The following LUZP2 variants were observed in gnomAD, a reference collection of about 807,000 sequenced individuals.
The protein encoded by LUZP2 is leucine zipper protein 2.
In LUZP2, 52 loss-of-function variants were observed where a neutral mutation model predicts 51.6. The observed-to-expected ratio is 1.01, with a 90% CI of 0.81 to 1.27. The LOEUF (loss-of-function observed/expected upper bound fraction) is 1.27, where lower values mean the gene tolerates loss of function less well. Among genes scored for constraint, LUZP2 ranks in the 50% most tolerant of loss-of-function variants. The pLI, the probability that LUZP2 is intolerant of heterozygous loss-of-function variation, is 0.00. For missense variants in LUZP2, 436 were observed against 395.4 expected (o/e 1.10, Z -0.87); for synonymous variants, 154 against 137.3 (o/e 1.12, Z -0.85).
At chr11:24,888,631 G>A (rs1370428512) in intron 5 of LUZP2, among the ~76,000 whole-genome samples, 1 of 152,038 alleles carries the variant, frequency 6.6e-6, no homozygotes, top group Non-Finnish European at 1.5e-5. Context: ...AAAAGTTGTA[G>A]GAATATTTGT....
In LUZP2 at chr11:24,823,789, C is replaced by A. The variant is rs148580233; in HGVS notation, c.396+60481C>A. Among the ~76,000 whole-genome samples the A allele has an allele frequency of 6.9e-3, 1,044 of 152,212 alleles. 15 individuals carry two copies. The highest frequency in any genetic ancestry group is 0.024 in the African/African-American group (1,012 of 41,534). ...TTAGAAAATGAGTGGTACGGCCAGG[C>A]ATGGTGGTTCACACCTGTAATCCGA... On this transcript the variant is annotated intron_variant, in intron 5 of 11. Coordinates refer to ENST00000336930, the MANE Select transcript of LUZP2 (RefSeq NM_001009909.4).
At chr11:24,523,461 T>C (rs182252683) in intron 1 of LUZP2, among the ~76,000 whole-genome samples, 1 of 151,148 alleles carries the variant, frequency 6.6e-6, no homozygotes, top group Non-Finnish European at 1.5e-5. Context: ...AACTAATCCA[T>C]GCTAATTCAC....
chr11:24,559,482 T>C (rs901765403), intron 1 of LUZP2, among the ~76,000 whole-genome samples: 15 of 152,176 alleles, frequency 9.9e-5, no homozygotes, highest in Admixed American at 6.6e-4. Flanking sequence ...CTTTTATGAC[T>C]ACCAATAAAG....
intron 1 of LUZP2, among the ~76,000 whole-genome samples, chr11:24,644,317 A>G (rs906077877): frequency 5.9e-5 from 9 of 152,128 alleles, no homozygotes; most frequent in African/African-American, 1.4e-4. Flanking sequence ...GTAATGGCCT[A>G]CAAGAACAGC....
chr11:24,542,735 T>TA (rs1398542315), intron 1 of LUZP2, among the ~76,000 whole-genome samples: 6 of 120,154 alleles, frequency 5.0e-5, no homozygotes, highest in East Asian at 2.1e-4. Context: ...TCACTTTTAT[T>TA]CAAAAAAAAT....
Position 24,602,387 on chromosome 11 carries a change from TACACACACAC to T in LUZP2, c.62+105102_62+105111del, listed in dbSNP as rs71041785. Among the ~76,000 whole-genome samples the T allele has an allele frequency of 3.4e-3, 439 of 129,524 alleles. 1 individual carries two copies. The highest frequency in any genetic ancestry group is 0.012 in the African/African-American group (418 of 35,022). 85.0% of individuals were successfully genotyped at this position (129,524 alleles called of 152,430 possible). A position where few individuals can be genotyped will look rare whatever the true frequency, so the allele number is the denominator to read the frequency against. On this transcript the variant is annotated intron_variant, in intron 1 of 11. Transcript: ENST00000336930. Reference sequence around the variant, plus strand: ...AAGTGTGTGTGTGTATATATATATATACACACACACACACACACACACACACACATACATC... The same window carrying T: ...AAGTGTGTGTGTGTATATATATATATACACACACACACACACACATACATC...
chr11:24,707,305 T>C (rs1446079496), intron 1 of LUZP2, among the ~76,000 whole-genome samples: 4 of 148,236 alleles, frequency 2.7e-5, no homozygotes, highest in East Asian at 3.9e-4. Flanking sequence ...ATTCTGTGTG[T>C]GCGTGTGTGT....
At chr11:24,897,194 A>T (rs1169551987) in intron 5 of LUZP2, among the ~76,000 whole-genome samples, 1 of 152,094 alleles carries the variant, frequency 6.6e-6, no homozygotes, top group African/African-American at 2.4e-5. Flanking sequence ...ACACTCTGTC[A>T]AAACGGACCA....
rs1565020375 is a variant in LUZP2, at chr11:24,602,120, A to ATATGTG, written c.62+104818_62+104819insGTGTAT. On this transcript the variant is annotated intron_variant, in intron 1 of 11. Coordinates refer to ENST00000336930, the MANE Select transcript of LUZP2 (RefSeq NM_001009909.4). ...TATATGTGTATATGTGTATATATGTATATATGTATATGTGTATATATGTAT... is the reference window on the plus strand; with the variant it reads ...TATATGTGTATATGTGTATATATGTATATGTGTATATGTATATGTGTATATATGTAT... 3.1e-5 allele frequency among the ~76,000 whole-genome samples: 4 copies of ATATGTG among 130,774 alleles called. 1 individual carries two copies. The highest frequency in any genetic ancestry group is 1.3e-4 in the African/African-American group (4 of 31,542). 85.8% of individuals were successfully genotyped at this position (130,774 alleles called of 152,430 possible). A position where few individuals can be genotyped will look rare whatever the true frequency, so the allele number is the denominator to read the frequency against.
At chr11:24,624,508 A>G (rs1466735253) in intron 1 of LUZP2, among the ~76,000 whole-genome samples, 2 of 152,224 alleles carry the variant, frequency 1.3e-5, no homozygotes, top group African/African-American at 4.8e-5. Flanking sequence ...AGTCATATAT[A>G]TAAGAACTGA....
chr11:24,920,526 A>T (rs540817569), intron 7 of LUZP2, among the ~76,000 whole-genome samples: 55 of 152,220 alleles, frequency 3.6e-4, no homozygotes, highest in African/African-American at 1.3e-3. Flanking sequence ...AGTAGGAAAT[A>T]TACAGAATCA....
intron 10 of LUZP2, among the ~76,000 whole-genome samples, chr11:25,053,788 T>C (rs922491947): frequency 9.2e-5 from 14 of 152,178 alleles, no homozygotes; most frequent in Non-Finnish European, 1.8e-4. Context: ...GGCAATGTTT[T>C]AATCTCTGTT....
chr11:24,664,562 G>A (rs998146221), intron 1 of LUZP2, among the ~76,000 whole-genome samples: 1 of 152,060 alleles, frequency 6.6e-6, no homozygotes, highest in Non-Finnish European at 1.5e-5. Flanking sequence ...CAGGTCTAAG[G>A]CCTAGGAGGG....
chr11:24,824,210 A>T (rs1019777523), intron 5 of LUZP2, among the ~76,000 whole-genome samples: 2 of 146,814 alleles, frequency 1.4e-5, no homozygotes, highest in Non-Finnish European at 1.5e-5. Flanking sequence ...CTAAATATAC[A>T]AAAAAATTAG....
At chr11:24,773,887 C>T (rs1442053873) in intron 5 of LUZP2, among the ~76,000 whole-genome samples, 2 of 152,252 alleles carry the variant, frequency 1.3e-5, no homozygotes, top group South Asian at 4.1e-4. Flanking sequence ...GGACCCTAAC[C>T]ACAAAGCCAC....
At chr11:24,545,788 T>C (rs1851520972) in intron 1 of LUZP2, among the ~76,000 whole-genome samples, 1 of 152,126 alleles carries the variant, frequency 6.6e-6, no homozygotes, top group Non-Finnish European at 1.5e-5. Context: ...TGGTTTCTTA[T>C]GAATTTTAAA....
intron 1 of LUZP2, among the ~76,000 whole-genome samples, chr11:24,705,082 T>A (rs1413654853): frequency 6.6e-6 from 1 of 152,170 alleles, no homozygotes; most frequent in Non-Finnish European, 1.5e-5. Context: ...GGGTATTTTT[T>A]TTTCATTCTT....
intron 7 of LUZP2, among the ~76,000 whole-genome samples, chr11:24,976,233 T>A (rs1855877394): frequency 6.6e-6 from 1 of 151,936 alleles, no homozygotes; most frequent in Non-Finnish European, 1.5e-5. Context: ...CTTCAACGTA[T>A]AAATTTTGGG....
intron 4 of LUZP2, among the ~76,000 whole-genome samples, chr11:24,749,310 A>ACCTT (rs1859492847): frequency 5.9e-5 from 9 of 152,302 alleles, no homozygotes; most frequent in African/African-American, 2.2e-4. Context: ...GTACATTTAA[A>ACCTT]CAGCTTTAAA....
Sources: gnomAD v4.1 joint callset for allele counts (sites outside exome capture counted in the v4.1 genomes callset) on GRCh38, gnomAD v4.1.1 for gene constraint, MANE v1.5 for transcripts, NCBI Gene and HGNC (gene_info 2026-07-23, HGNC 2026-07-21) for gene names.